The following TSPAN33 variants were observed in gnomAD, a reference collection of about 807,000 sequenced individuals.
TSPAN33 encodes tetraspanin 33, also known as tetraspanin-33.
TSPAN33 carries 27 observed loss-of-function variants against 34.8 expected under a neutral mutation model. That is an observed-to-expected ratio of 0.78 (90% CI 0.57 to 1.07). The LOEUF is 1.07. TSPAN33 is among the 50% of genes least tolerant of loss of function. TSPAN33 has a pLI of 0.00. For synonymous variants in TSPAN33, 119 were observed against 124.2 expected, an observed-to-expected ratio of 0.96 and a Z score of 0.28; for missense variants, 272 against 324.9, an observed-to-expected ratio of 0.84 and a Z score of 1.25.
Position 129,168,931 on chromosome 7 carries a change from C to G in TSPAN33, c.*1057C>G, listed in dbSNP as rs1793185672. 6.6e-6 allele frequency: 1 copy of G among 152,308 alleles called. No individual in the cohort carries two copies. The highest frequency in any genetic ancestry group is 1.5e-5 in the Non-Finnish European group (1 of 68,128). 9.4% of individuals were successfully genotyped at this position (152,308 alleles called of 1,614,324 possible). Reference sequence around the variant, plus strand: ...ACTGGAGACTCTCCTAAACGCCACACACCTCCCCCTTGCTGCCCGCCACAC... The same window carrying G: ...ACTGGAGACTCTCCTAAACGCCACAGACCTCCCCCTTGCTGCCCGCCACAC... On this transcript the variant is annotated 3_prime_UTR_variant, in exon 8 of 8. Transcript: ENST00000486685.
rs1793055860 is a variant in TSPAN33, at chr7:129,161,668, T to C, written c.103-11T>C. ...GAATCTCAGGGTCTGGCTCTTTTCC[T>C]GTCTCCACAGGTGATTTCCATGGTG... On this transcript the variant is annotated splice_polypyrimidine_tract_variant and intron_variant, in intron 1 of 7. Coordinates refer to ENST00000486685, the MANE Select transcript of TSPAN33 (RefSeq NM_178562.5). 1 of 1,613,980 alleles carries C rather than the reference T, an allele frequency of 6.2e-7. No individual in the cohort carries two copies. The highest frequency in any genetic ancestry group is 1.1e-5 in the South Asian group (1 of 91,070).
intron 4 of TSPAN33, among the ~76,000 whole-genome samples, chr7:129,164,241 G>C (rs1434640967): frequency 6.6e-6 from 1 of 152,160 alleles, no homozygotes; most frequent in Non-Finnish European, 1.5e-5. Flanking sequence ...ATCTTGAAAT[G>C]TGTCTCTGAA....
At position 129,165,405 on chromosome 7, in the gene TSPAN33, T is replaced by C. The variant is rs1793123593; in HGVS notation, c.459+836T>C. Among the ~76,000 whole-genome samples the C allele has an allele frequency of 6.6e-6, 1 of 152,240 alleles. No homozygotes were observed. Among genetic ancestry groups the C allele is most frequent in the African/African-American group, 2.4e-5 (1 of 41,456 alleles). ...GTACCTCAAATGAAGGGACTCACGG[T>C]ATTAATGCTTTTTTGAGTGGGTTAT... On this transcript the variant is annotated intron_variant, in intron 5 of 7. Coordinates refer to ENST00000486685, the MANE Select transcript of TSPAN33 (RefSeq NM_178562.5). The surrounding 1 kb of genome is among the most constrained non-coding windows in gnomAD (Gnocchi z 4.5).
intron 2 of TSPAN33, 38 bp from the exon 3 acceptor site, chr7:129,162,356 G>A (rs1235387819): frequency 6.2e-7 from 1 of 1,605,972 alleles, no homozygotes; most frequent in Admixed American, 1.7e-5. Context: ...TTCCTCAGTG[G>A]GCACCAGGCT....
chr7:129,160,180 G>A (rs1164990796), intron 1 of TSPAN33, among the ~76,000 whole-genome samples: 1 of 152,182 alleles, frequency 6.6e-6, no homozygotes, highest in Non-Finnish European at 1.5e-5. Context: ...CTTCAACAAG[G>A]AGGCCTACAG....
chr7:129,158,355 G>C (rs561930904), intron 1 of TSPAN33, among the ~76,000 whole-genome samples: 4 of 152,218 alleles, frequency 2.6e-5, no homozygotes, highest in African/African-American at 7.2e-5. Flanking sequence ...TGTCATTACA[G>C]GCCCATAAAT....
chr7:129,145,018 A>C lies in TSPAN33; in HGVS notation c.38A>C (p.Glu13Ala). Residue 13 changes from glutamate to alanine, a missense_variant, in exon 1 of 8, where the codon GAG (glutamate) becomes GCG (alanine). Physicochemically the swap from Glu to Ala is moderately radical, Grantham distance 107. Coordinates refer to ENST00000486685, the MANE Select transcript of TSPAN33 (RefSeq NM_178562.5). ...RRPRAPAASG[E>A]EFSFVSPLVK... ...CCCCGGGCGCCGGCCGCCTCCGGGG[A>C]GGAGTTCTCCTTCGTCAGCCCGCTG... 1.4e-6 allele frequency: 1 copy of C among 707,376 alleles called. No individual in the cohort carries two copies. The highest frequency in any genetic ancestry group is 2.6e-6 in the Non-Finnish European group (1 of 384,936). The allele number at this position is 707,376 out of a possible 1,614,324, so 43.8% of individuals were successfully genotyped here. A position where few individuals can be genotyped will look rare whatever the true frequency, so the allele number is the denominator to read the frequency against.
At chr7:129,145,144 C>A in intron 1 of TSPAN33, 62 bp downstream of exon 1, 1 of 591,544 alleles carries the variant, frequency 1.7e-6, no homozygotes, top group East Asian at 3.2e-5. Context: ...GAAGGGTGGC[C>A]CGGGGTGCCC....
Position 129,151,364 on chromosome 7 carries a change from C to T in TSPAN33, c.102+6282C>T, listed in dbSNP as rs1319858132. On this transcript the variant is annotated intron_variant, in intron 1 of 7. Transcript: ENST00000486685. ...CAAATCCTGGCCTCAAATGATCTTC[C>T]TCACTTTGGCCTCCCAAAGTAGTGG... 3.9e-5 allele frequency among the ~76,000 whole-genome samples: 6 copies of T among 152,128 alleles called. 1 individual carries two copies. The highest frequency in any genetic ancestry group is 4.1e-4 in the South Asian group (2 of 4,828).
At chr7:129,162,250 G>A (rs1177643286) in intron 2 of TSPAN33, 144 bp from the exon 3 acceptor site, 2 of 1,244,710 alleles carry the variant, frequency 1.6e-6, no homozygotes, top group Non-Finnish European at 2.2e-6. Context: ...TGGGACAGGG[G>A]TACTGCCTCC....
intron 1 of TSPAN33, among the ~76,000 whole-genome samples, chr7:129,145,565 C>T (rs1169922467): frequency 1.3e-5 from 2 of 151,456 alleles, no homozygotes; most frequent in Non-Finnish European, 2.9e-5. Context: ...CCCACCTCCA[C>T]CCCCCCAAAG....
chr7:129,152,246 A>G (rs927252852), intron 1 of TSPAN33, among the ~76,000 whole-genome samples: 2 of 152,226 alleles, frequency 1.3e-5, no homozygotes, highest in African/African-American at 4.8e-5. Flanking sequence ...AGAACATTGA[A>G]AACAGGTATT....
intron 1 of TSPAN33, among the ~76,000 whole-genome samples, chr7:129,152,095 G>C (rs1386322818): frequency 1.3e-5 from 2 of 152,190 alleles, no homozygotes; most frequent in Admixed American, 1.3e-4. Context: ...ACAAGTGTTG[G>C]GAAGGATGTG....
In TSPAN33 at chr7:129,148,826, C is replaced by T. The variant is rs1162729192; in HGVS notation, c.102+3744C>T. ...AGTGGGGCATCTTCTTCAAGAAATC[C>T]ACTCTCCCATCCAGGACTACTGTAT... On this transcript the variant is annotated intron_variant, in intron 1 of 7. Coordinates refer to ENST00000486685, the MANE Select transcript of TSPAN33 (RefSeq NM_178562.5). The surrounding 1 kb of genome is among the most constrained non-coding windows in gnomAD (Gnocchi z 4.2). Among the ~76,000 whole-genome samples the T allele has an allele frequency of 6.6e-6, 1 of 152,196 alleles. No homozygotes were observed. The highest frequency in any genetic ancestry group is 2.4e-5 in the African/African-American group (1 of 41,438).
chr7:129,163,334 T>TTTC lies in TSPAN33; in HGVS notation c.363+429_363+430insCTT, dbSNP rs34839629. On this transcript the variant is annotated intron_variant, in intron 4 of 7. Coordinates refer to ENST00000486685, the MANE Select transcript of TSPAN33 (RefSeq NM_178562.5). ...TTTGAGGTTTATTTTTCTTTCTTTC[T>TTTC]TTTTTTTTTTTTTTTTGGTTGTTGT... Among the ~76,000 whole-genome samples, 11 of 14,700 alleles carry TTTC rather than the reference T, an allele frequency of 7.5e-4. No homozygotes were observed. The African/African-American group carries it at 0.01, about 13-fold the overall frequency. 9.6% of individuals were successfully genotyped at this position (14,700 alleles called of 152,430 possible). A position where few individuals can be genotyped will look rare whatever the true frequency, so the allele number is the denominator to read the frequency against.
Position 129,144,802 on chromosome 7 carries a change from C to T in TSPAN33, c.-179C>T, listed in dbSNP as rs1337032584. ...GGCTCCAGCAGCTCCAGGCGCGGTT[C>T]CCCGGCCCGCGCCGCTCCCGGCCCC... is the stretch of plus-strand genomic sequence containing the variant. On this transcript the variant is annotated 5_prime_UTR_variant, in exon 1 of 8. Transcript: ENST00000486685. 6.7e-6 allele frequency: 1 copy of T among 148,496 alleles called. No homozygotes were observed. Among genetic ancestry groups the T allele is most frequent in the African/African-American group, 2.4e-5 (1 of 40,948 alleles). The allele number at this position is 148,496 out of a possible 1,614,324, so 9.2% of individuals were successfully genotyped here. A position where few individuals can be genotyped will look rare whatever the true frequency, so the allele number is the denominator to read the frequency against.
chr7:129,167,924 G>T lies in TSPAN33; in HGVS notation c.*50G>T. On this transcript the variant is annotated 3_prime_UTR_variant, in exon 8 of 8. Coordinates refer to ENST00000486685, the MANE Select transcript of TSPAN33 (RefSeq NM_178562.5). This position sits in a 1 kb window ranked among gnomAD's most constrained non-coding sequence, Gnocchi z 4.6. ...ATGGAAACTGGCAAGCCTCATAAAC[G>T]AACAGCAGTGGGTGCTGAAAGCAGC... 6.3e-7 allele frequency: 1 copy of T among 1,599,256 alleles called. No homozygotes were observed. Among genetic ancestry groups the T allele is most frequent in the South Asian group, 1.1e-5 (1 of 88,940 alleles).
chr7:129,167,951 C>T lies in TSPAN33; in HGVS notation c.*77C>T, dbSNP rs751841403. The stretch of plus-strand genomic sequence containing the variant: ...ACAGCAGTGGGTGCTGAAAGCAGCA[C>T]CAAATGGAGATTTGGATTCCAGCCC... On this transcript the variant is annotated 3_prime_UTR_variant, in exon 8 of 8. Coordinates refer to ENST00000486685, the MANE Select transcript of TSPAN33 (RefSeq NM_178562.5). This position sits in a 1 kb window ranked among gnomAD's most constrained non-coding sequence, Gnocchi z 4.6. 6 of 1,547,720 alleles carry T rather than the reference C, an allele frequency of 3.9e-6. No individual in the cohort carries two copies. Among genetic ancestry groups the T allele is most frequent in the Non-Finnish European group, 5.2e-6 (6 of 1,149,318 alleles).
At chr7:129,162,076 G>A (rs1793063070) in intron 2 of TSPAN33, among the ~76,000 whole-genome samples, 1 of 152,202 alleles carries the variant, frequency 6.6e-6, no homozygotes, top group Non-Finnish European at 1.5e-5. Context: ...CACCACACAA[G>A]TCACCAGGAA....
Sources: allele counts gnomAD v4.1 joint callset (sites outside exome capture counted in the v4.1 genomes callset), GRCh38; gene constraint gnomAD v4.1.1; non-coding constraint Gnocchi (gnomAD v3.1); transcripts MANE v1.5; gene names NCBI Gene and HGNC (gene_info 2026-07-23, HGNC 2026-07-21).